LRP1B: variants seen among roughly 807,000 people sequenced by gnomAD.
LRP1B encodes the protein LDL receptor related protein 1B.
A neutral mutation model predicts 556.6 loss-of-function variants in LRP1B; 217 were observed. The observed-to-expected ratio is 0.39, with a 90% CI of 0.35 to 0.44. The LOEUF (loss-of-function observed/expected upper bound fraction) is 0.44. Among genes scored for constraint, LRP1B ranks in the 20% least tolerant of loss-of-function variants. LRP1B has a pLI of 1.00. For synonymous variants in LRP1B, 2,047 were observed against 1,865.8 expected (o/e 1.10, Z -2.50); for missense variants, 5,053 against 5,620.8 (o/e 0.90, Z 3.23).
At chr2:141,231,691 C>T (rs1328924534) in intron 5 of LRP1B, among the ~76,000 whole-genome samples, 1 of 149,732 alleles carries the variant, frequency 6.7e-6, no homozygotes, top group Non-Finnish European at 1.5e-5. Flanking sequence ...ATCGTGTGCA[C>T]CTGCCATACA....
At chr2:141,983,367 T>C (rs1366630241) in intron 1 of LRP1B, among the ~76,000 whole-genome samples, 1 of 152,204 alleles carries the variant, frequency 6.6e-6, no homozygotes, top group Non-Finnish European at 1.5e-5. Flanking sequence ...ATGATTTAAT[T>C]TGACTGTTCC....
At chr2:141,637,958 T>C (rs1017390654) in intron 2 of LRP1B, among the ~76,000 whole-genome samples, 1 of 152,144 alleles carries the variant, frequency 6.6e-6, no homozygotes, top group African/African-American at 2.4e-5. Flanking sequence ...CCCAACTCTT[T>C]AAAAGGCAGG....
intron 27 of LRP1B, among the ~76,000 whole-genome samples, chr2:140,854,921 G>C (rs542641209): frequency 7.2e-5 from 11 of 152,236 alleles, no homozygotes; most frequent in South Asian, 4.1e-4. Flanking sequence ...TTCAAAAGAT[G>C]GGAAAGCCAT....
chr2:141,994,407 G>A (rs1038085364), intron 1 of LRP1B, among the ~76,000 whole-genome samples: 3 of 152,094 alleles, frequency 2.0e-5, no homozygotes, highest in Admixed American at 6.6e-5. Flanking sequence ...AAAGTCGATC[G>A]TGCTTTGTAG....
chr2:141,327,398 CAAAT>C lies in LRP1B; in HGVS notation c.344-72761_344-72758del, dbSNP rs985020902. Among the ~76,000 whole-genome samples, 12 of 152,008 alleles carry C rather than the reference CAAAT, an allele frequency of 7.9e-5. No homozygotes were observed. In the South Asian group the frequency reaches 1.0e-3, roughly 13 times the overall value. Reference sequence around the variant, plus strand: ...GATGGGTGAAATCTGGGGGCACTGACAAATAAACAGGGATAAAATAGTATTTACT... The same window carrying C: ...GATGGGTGAAATCTGGGGGCACTGACAAACAGGGATAAAATAGTATTTACT... On this transcript the variant is annotated intron_variant, in intron 3 of 90. Transcript: ENST00000389484.
At chr2:141,909,525 CATTTTTTTTTTTTTTT>C (rs1287399751) in intron 1 of LRP1B, among the ~76,000 whole-genome samples, 2 of 118,128 alleles carry the variant, frequency 1.7e-5, no homozygotes, top group Non-Finnish European at 3.3e-5. Context: ...AGGTCTCAGA[CATTTTTTTTTTTTTTT>C]TTTTTTTTTT....
chr2:140,410,565 C>T (rs1684932003), intron 66 of LRP1B, among the ~76,000 whole-genome samples: 1 of 152,056 alleles, frequency 6.6e-6, no homozygotes, highest in Admixed American at 6.6e-5. Flanking sequence ...AAACACTATG[C>T]TTGAGCTGAA....
intron 41 of LRP1B, among the ~76,000 whole-genome samples, chr2:140,608,348 CTG>C (rs1682945198): frequency 6.6e-6 from 1 of 152,188 alleles, no homozygotes; most frequent in South Asian, 2.1e-4. Flanking sequence ...ACCTAAAAAA[CTG>C]TGCAACTGTT....
intron 1 of LRP1B, among the ~76,000 whole-genome samples, chr2:141,846,633 C>T (rs982892636): frequency 3.3e-5 from 5 of 151,190 alleles, no homozygotes; most frequent in East Asian, 3.9e-4. Flanking sequence ...AATCCAATAG[C>T]GTTTTAAAAC....
intron 3 of LRP1B, among the ~76,000 whole-genome samples, chr2:141,424,688 T>C (rs1292164589): frequency 6.6e-6 from 1 of 152,210 alleles, no homozygotes; most frequent in African/African-American, 2.4e-5. Context: ...ATTAATCTCA[T>C]TAACACCAAG....
intron 2 of LRP1B, among the ~76,000 whole-genome samples, chr2:141,572,025 G>A (rs924992774): frequency 6.6e-6 from 1 of 152,148 alleles, no homozygotes; most frequent in Non-Finnish European, 1.5e-5. Context: ...TTATCCAGGA[G>A]AATTTCCCCA....
intron 15 of LRP1B, among the ~76,000 whole-genome samples, chr2:140,995,784 T>C (rs943993845): frequency 2.6e-5 from 4 of 152,038 alleles, no homozygotes; most frequent in African/African-American, 9.7e-5. Flanking sequence ...CTATGCAGTG[T>C]TTTTTCTCTG....
intron 2 of LRP1B, among the ~76,000 whole-genome samples, chr2:141,495,709 G>A (rs7557886): frequency 0.061 from 9,253 of 151,970 alleles, 351 homozygotes; most frequent in South Asian, 0.18. Flanking sequence ...AAAGATTTGA[G>A]TATGTGAGTG....
intron 41 of LRP1B, among the ~76,000 whole-genome samples, chr2:140,684,728 C>A (rs1464686201): frequency 6.6e-6 from 1 of 152,146 alleles, no homozygotes; most frequent in Non-Finnish European, 1.5e-5. Context: ...ATTTCTAATG[C>A]ATACTTATTT....
chr2:141,525,238 A>C (rs549928605), intron 2 of LRP1B, among the ~76,000 whole-genome samples: 13 of 152,228 alleles, frequency 8.5e-5, no homozygotes, highest in Admixed American at 1.3e-4. Flanking sequence ...AGTCTTCCTA[A>C]TAAAGGGAAA....
At chr2:140,457,239 A>C (rs1468844548) in intron 61 of LRP1B, among the ~76,000 whole-genome samples, 1 of 152,182 alleles carries the variant, frequency 6.6e-6, no homozygotes, top group Non-Finnish European at 1.5e-5. Context: ...GCTTAATATG[A>C]GTTGAACAAA....
chr2:142,012,772 G>C (rs116794309), intron 1 of LRP1B, among the ~76,000 whole-genome samples: 1 of 152,206 alleles, frequency 6.6e-6, no homozygotes, highest in African/African-American at 2.4e-5. Flanking sequence ...GACCAAAATA[G>C]AATGTTCAGG....
At chr2:141,249,145 AG>A (rs1316114558) in intron 4 of LRP1B, among the ~76,000 whole-genome samples, 1 of 152,200 alleles carries the variant, frequency 6.6e-6, no homozygotes, top group Non-Finnish European at 1.5e-5. Context: ...CTGTTAATAT[AG>A]GGTGAGATCT....
chr2:140,782,196 G>A (rs1372971238), intron 32 of LRP1B, among the ~76,000 whole-genome samples: 1 of 152,192 alleles, frequency 6.6e-6, no homozygotes, highest in East Asian at 1.9e-4. Flanking sequence ...TATAAGCAAT[G>A]AGGAGTAAAT....
Sources: gnomAD v4.1 joint callset for allele counts (sites outside exome capture counted in the v4.1 genomes callset) on GRCh38, gnomAD v4.1.1 for gene constraint, MANE v1.5 for transcripts, NCBI Gene and HGNC (gene_info 2026-07-23, HGNC 2026-07-21) for gene names.